Variants in ANKRD11 observed in about 807,000 individuals in gnomAD.
ANKRD11 encodes ankyrin repeat domain 11, also known as ankyrin repeat domain-containing protein 11.
Under a neutral mutation model 195.7 loss-of-function variants are expected in ANKRD11, and 17 were observed. That is an observed-to-expected ratio of 0.09 (90% confidence interval 0.06 to 0.13). ANKRD11 has a LOEUF of 0.13. Among genes scored for constraint, ANKRD11 ranks in the 10% least tolerant of loss-of-function variants. The pLI, the probability that ANKRD11 is intolerant of heterozygous loss-of-function variation, is 1.00. For missense variants in ANKRD11, 3,735 were observed against 3,566.1 expected (o/e 1.05, Z -1.21); for synonymous variants, 1,953 against 1,528.1 (o/e 1.28, Z -6.49).
At chr16:89,464,646 A>G (rs1838488574) in intron 1 of ANKRD11, among the ~76,000 whole-genome samples, 1 of 152,068 alleles carries the variant, frequency 6.6e-6, no homozygotes, top group Admixed American at 6.5e-5. Context: ...AAAAGAAAAA[A>G]AGAAAAGAAT....
chr16:89,428,832 T>G (rs2042843019), intron 1 of ANKRD11, among the ~76,000 whole-genome samples: 1 of 152,178 alleles, frequency 6.6e-6, no homozygotes, highest in African/African-American at 2.4e-5. Context: ...AGGCGGAGCT[T>G]GCAGTAAGCC....
chr16:89,339,224 T>C (rs182170911), intron 2 of ANKRD11, among the ~76,000 whole-genome samples: 10 of 152,344 alleles, frequency 6.6e-5, no homozygotes, highest in Non-Finnish European at 1.5e-4. Context: ...ATTATCACAA[T>C]GAAGGTGAAG....
In ANKRD11 at chr16:89,281,269, G is replaced by A. The variant is rs2034212998; in HGVS notation, c.5273C>T (p.Pro1758Leu). ...VPTAPTSACS[P>L]SFFDRFSVAS... ...CACGGAGAACCTGTCGAAAAAGGAG[G>A]GGGAGCAGGCGCTGGTGGGAGCGGT... The change falls in exon 9 of 13, where the codon CCC becomes CTC. Residue 1758 changes from proline to leucine, a missense_variant. Pro to Leu is a moderately conservative substitution (Grantham distance 98, BLOSUM62 -3). Coordinates refer to ENST00000301030, the MANE Select transcript of ANKRD11 (RefSeq NM_013275.6). This position sits in a 1 kb window ranked among gnomAD's most constrained non-coding sequence, Gnocchi z 5.5. The A allele has an allele frequency of 1.2e-6, 2 of 1,614,256 alleles. No homozygotes were observed. The highest frequency in any genetic ancestry group is 1.1e-5 in the South Asian group (1 of 91,092).
chr16:89,311,047 C>T (rs2036581272), intron 3 of ANKRD11, among the ~76,000 whole-genome samples: 1 of 152,218 alleles, frequency 6.6e-6, no homozygotes, highest in African/African-American at 2.4e-5. Flanking sequence ...TGCTCTCTGT[C>T]AGGTTGAGGA....
chr16:89,308,535 C>G (rs1403637904), intron 3 of ANKRD11, among the ~76,000 whole-genome samples: 1 of 152,206 alleles, frequency 6.6e-6, no homozygotes, highest in Non-Finnish European at 1.5e-5. Context: ...CAGGAAAATG[C>G]AAATGACAGC....
intron 1 of ANKRD11, chr16:89,489,221 ACACACGCGCGCGCG>A (rs1207999107): frequency 9.5e-6 from 1 of 104,884 alleles, no homozygotes; most frequent in Non-Finnish European, 2.2e-5. Context: ...ACACACACAC[ACACACGCGCGCGCG>A]CGCGCGCGCG....
chr16:89,464,474 G>A (rs1401953373), intron 1 of ANKRD11, among the ~76,000 whole-genome samples: 1 of 150,248 alleles, frequency 6.7e-6, no homozygotes, highest in East Asian at 2.0e-4. Flanking sequence ...TGGGCGTGGG[G>A]TCAGACACCT....
chr16:89,348,288 C>T (rs2039040502), intron 2 of ANKRD11, among the ~76,000 whole-genome samples: 1 of 152,152 alleles, frequency 6.6e-6, no homozygotes. Flanking sequence ...TTTCATTTTC[C>T]TTATGTCAAT....
chr16:89,456,312 G>A (rs1393783867), intron 1 of ANKRD11, among the ~76,000 whole-genome samples: 1 of 151,922 alleles, frequency 6.6e-6, no homozygotes, highest in African/African-American at 2.4e-5. Flanking sequence ...ACTTCGGGAG[G>A]GCAAGACAGG....
chr16:89,316,183 C>T (rs748935835), intron 3 of ANKRD11, among the ~76,000 whole-genome samples: 5 of 151,868 alleles, frequency 3.3e-5, no homozygotes, highest in Non-Finnish European at 7.4e-5. Flanking sequence ...CCACCAGACA[C>T]GATACTGTGC....
chr16:89,435,527 G>A (rs960770637), intron 1 of ANKRD11, among the ~76,000 whole-genome samples: 10 of 152,002 alleles, frequency 6.6e-5, no homozygotes, highest in South Asian at 2.1e-4. Flanking sequence ...GCGAGACCAC[G>A]AACCCACCAG....
chr16:89,433,112 A>T (rs2043067949), intron 1 of ANKRD11, among the ~76,000 whole-genome samples: 2 of 152,178 alleles, frequency 1.3e-5, no homozygotes, highest in South Asian at 4.1e-4. Flanking sequence ...CTTTTGATCC[A>T]TTCAGCTTCT....
Position 89,390,655 on chromosome 16 carries a change from G to A in ANKRD11, c.-60+27629C>T, listed in dbSNP as rs74033788. ...CAAAGGTGAGAAACTAGGTAAAGAA[G>A]AACAGGCAAAAGGGACGACAGGTTC... On this transcript the variant is annotated intron_variant, in intron 2 of 12. Coordinates refer to ENST00000301030, the MANE Select transcript of ANKRD11 (RefSeq NM_013275.6). Among the ~76,000 whole-genome samples the A allele has an allele frequency of 3.6e-3, 555 of 152,164 alleles. 3 individuals carry two copies. The highest frequency in any genetic ancestry group is 0.013 in the African/African-American group (529 of 41,518).
At chr16:89,327,184 A>G (rs998613615) in intron 2 of ANKRD11, among the ~76,000 whole-genome samples, 159 of 152,220 alleles carry the variant, frequency 1.0e-3, no homozygotes, top group Non-Finnish European at 1.7e-3. Context: ...CAATCAGTCA[A>G]CGTCACCCAG....
chr16:89,455,452 A>G (rs2911244), intron 1 of ANKRD11, among the ~76,000 whole-genome samples: 78,989 of 151,912 alleles, frequency 0.52, 20,664 homozygotes, highest in Middle Eastern at 0.67. Flanking sequence ...AGCTACACGC[A>G]CCACATCATG....
chr16:89,435,868 C>G (rs1219851258), intron 1 of ANKRD11, among the ~76,000 whole-genome samples: 1 of 151,108 alleles, frequency 6.6e-6, no homozygotes, highest in Non-Finnish European at 1.5e-5. Flanking sequence ...GAACAGGAAG[C>G]CTTTTTCACT....
rs202049186 is a variant in ANKRD11, at chr16:89,280,176, G to T, written c.6366C>A (p.Asp2122Glu). The change falls in exon 9 of 13, where the codon GAC becomes GAA. Residue 2122 changes from aspartate to glutamate, a missense_variant. Physicochemically the swap from Asp to Glu is conservative, Grantham distance 45. Transcript: ENST00000301030. ...GGTCGTCCTCGGGGCCGGCGAAGGC[G>T]TCCGCCCAGGGCACCGGCTCCACCT... Reference protein sequence around the residue: ...LGQVEPVPWADAFAGPEDDLD... With the variant: ...LGQVEPVPWAEAFAGPEDDLD... 1.9e-6 allele frequency: 3 copies of T among 1,609,180 alleles called. No individual in the cohort carries two copies. Among genetic ancestry groups the T allele is most frequent in the African/African-American group, 2.7e-5 (2 of 75,010 alleles).
chr16:89,334,730 G>A (rs193292664), intron 2 of ANKRD11, among the ~76,000 whole-genome samples: 2 of 152,180 alleles, frequency 1.3e-5, no homozygotes, highest in East Asian at 1.9e-4. Flanking sequence ...CGCCAACCAC[G>A]TCATACCACA....
At chr16:89,316,534 C>T (rs2036967950) in intron 3 of ANKRD11, among the ~76,000 whole-genome samples, 1 of 152,208 alleles carries the variant, frequency 6.6e-6, no homozygotes, top group South Asian at 2.1e-4. Context: ...ATCCCATTTT[C>T]CTATTCACAT....
Sources: gnomAD v4.1 joint callset for allele counts (sites outside exome capture counted in the v4.1 genomes callset) on GRCh38, gnomAD v4.1.1 for gene constraint, Gnocchi (gnomAD v3.1) non-coding constraint, MANE v1.5 for transcripts, NCBI Gene and HGNC (gene_info 2026-07-23, HGNC 2026-07-21) for gene names.